The following RAB14 variants were observed in gnomAD, a reference collection of about 807,000 sequenced individuals.
The protein encoded by RAB14 is ras-related protein Rab-14.
Under a neutral mutation model 31.1 loss-of-function variants are expected in RAB14, and 3 were observed. The ratio of observed to expected loss-of-function variants is 0.10; its 90% CI spans 0.04 to 0.25. The LOEUF is 0.25. Ranked by LOEUF, RAB14 falls within the 10% of genes least tolerant of loss-of-function variation. RAB14 has a pLI of 1.00. For missense variants in RAB14, 111 were observed against 260.1 expected (o/e 0.43, Z 3.94); for synonymous variants, 85 against 84.9 (o/e 1.00, Z 0.00).
chr9:121,187,052 C>A, intron 4 of RAB14, 33 bp from the exon 5 acceptor site: 1 of 1,308,436 alleles, frequency 7.6e-7, no homozygotes, highest in South Asian at 1.5e-5. Flanking sequence ...TTGTGACTGC[C>A]ATATAATTAT....
chr9:121,198,296 C>T (rs575784676), intron 1 of RAB14, among the ~76,000 whole-genome samples: 6 of 152,160 alleles, frequency 3.9e-5, no homozygotes, highest in Non-Finnish European at 8.8e-5. Flanking sequence ...ACATTATTTC[C>T]GCATTTACTG....
chr9:121,198,020 AAC>A (rs58467154), intron 1 of RAB14, among the ~76,000 whole-genome samples: 210 of 149,868 alleles, frequency 1.4e-3, no homozygotes, highest in Middle Eastern at 0.01. Context: ...CCCACTTTCA[AAC>A]ACACACACAC....
chr9:121,182,006 A>G (rs2053636268), intron 7 of RAB14, among the ~76,000 whole-genome samples: 1 of 152,120 alleles, frequency 6.6e-6, no homozygotes, highest in Non-Finnish European at 1.5e-5. Context: ...TTGGCTTCCC[A>G]AAGTGCTGGG....
intron 5 of RAB14, among the ~76,000 whole-genome samples, chr9:121,183,876 G>A (rs1456786718): frequency 6.6e-6 from 1 of 152,152 alleles, no homozygotes; most frequent in Non-Finnish European, 1.5e-5. Context: ...CAAGCTCCAG[G>A]GGATCTGTAA....
chr9:121,186,365 C>G (rs564762265), intron 5 of RAB14, among the ~76,000 whole-genome samples: 10 of 152,276 alleles, frequency 6.6e-5, no homozygotes, highest in Middle Eastern at 3.4e-3. Flanking sequence ...AGACTATAAG[C>G]TCTTTGGGAC....
In RAB14 at chr9:121,197,653, A is replaced by G. The variant is rs137978699; in HGVS notation, c.-8+3986T>C. On this transcript the variant is annotated intron_variant, in intron 1 of 7. Transcript: ENST00000373840. ...TTGAAACATGTAGGTACAGATGTGA[A>G]GGTATACACTTTCATACATACTGCT... Among the ~76,000 whole-genome samples the G allele has an allele frequency of 1.8e-4, 28 of 152,348 alleles. No homozygotes were observed. The East Asian group carries it at 5.4e-3, about 29-fold the overall frequency.
chr9:121,197,557 T>C (rs926967599), intron 1 of RAB14, among the ~76,000 whole-genome samples: 7 of 152,188 alleles, frequency 4.6e-5, no homozygotes, highest in South Asian at 2.1e-4. Flanking sequence ...GTGACAAAAA[T>C]AGAATGCATG....
At chr9:121,193,841 A>T (rs2053699485) in intron 1 of RAB14, among the ~76,000 whole-genome samples, 1 of 152,144 alleles carries the variant, frequency 6.6e-6, no homozygotes, top group Non-Finnish European at 1.5e-5. Flanking sequence ...GTTACTAATG[A>T]TCTACTTGTT....
chr9:121,193,322 C>G (rs772475648), intron 2 of RAB14, 39 bp downstream of exon 2: 4 of 1,385,158 alleles, frequency 2.9e-6, no homozygotes, highest in Non-Finnish European at 4.1e-6. Flanking sequence ...GTATGTTAAC[C>G]TTCTTTTGGG....
rs1178042983 is a variant in RAB14, at chr9:121,181,204, T to C, written c.*192A>G. On this transcript the variant is annotated 3_prime_UTR_variant, in exon 8 of 8. Coordinates refer to ENST00000373840, the MANE Select transcript of RAB14 (RefSeq NM_016322.4). ...TGCAGGAGAGATTTATTACTCTACT[T>C]GCCTTTGATAACCTGATTACATCTA... 8.1e-6 allele frequency: 4 copies of C among 490,802 alleles called. No individual in the cohort carries two copies. The highest frequency in any genetic ancestry group is 7.9e-5 in the African/African-American group (4 of 50,778). 30.4% of individuals were successfully genotyped at this position (490,802 alleles called of 1,614,324 possible). A position where few individuals can be genotyped will look rare whatever the true frequency, so the allele number is the denominator to read the frequency against.
chr9:121,196,719 T>C (rs989527861), intron 1 of RAB14, among the ~76,000 whole-genome samples: 8 of 152,290 alleles, frequency 5.3e-5, no homozygotes, highest in Middle Eastern at 3.4e-3. Context: ...TAATTTAATA[T>C]TCTGAATAAG....
At chr9:121,181,887 ACAGG>A (rs1033153785) in intron 7 of RAB14, among the ~76,000 whole-genome samples, 16 of 151,398 alleles carry the variant, frequency 1.1e-4, no homozygotes, top group African/African-American at 3.9e-4. Flanking sequence ...AGCTGGGACT[ACAGG>A]AGCACACCAC....
intron 1 of RAB14, among the ~76,000 whole-genome samples, chr9:121,198,375 T>G (rs1438258830): frequency 6.6e-6 from 1 of 152,158 alleles, no homozygotes; most frequent in Non-Finnish European, 1.5e-5. Flanking sequence ...CAACACTCAA[T>G]AGTAGAGGGC....
chr9:121,186,718 A>G (rs2053661516), intron 5 of RAB14, among the ~76,000 whole-genome samples: 1 of 152,222 alleles, frequency 6.6e-6, no homozygotes, highest in African/African-American at 2.4e-5. Flanking sequence ...TCACCACTAC[A>G]TTCATAATAG....
In RAB14 at chr9:121,192,294, C is replaced by G. The variant is rs2053691314; in HGVS notation, c.53-70G>C. 1.0e-5 allele frequency: 12 copies of G among 1,184,624 alleles called. No homozygotes were observed. The Admixed American group carries it at 1.0e-4, about 10-fold the overall frequency. 73.4% of individuals were successfully genotyped at this position (1,184,624 alleles called of 1,614,324 possible). ...ATTTTATGCAATGATCGCTATATTC[C>G]TTACCATATAACATATCACAAGTTT... On this transcript the variant is annotated intron_variant, in intron 2 of 7. Coordinates refer to ENST00000373840, the MANE Select transcript of RAB14 (RefSeq NM_016322.4).
chr9:121,198,614 C>G (rs961393065), intron 1 of RAB14, among the ~76,000 whole-genome samples: 2 of 152,082 alleles, frequency 1.3e-5, no homozygotes, highest in African/African-American at 4.8e-5. Flanking sequence ...TTAACATGCA[C>G]GACGTTTTGT....
intron 1 of RAB14, among the ~76,000 whole-genome samples, chr9:121,201,065 C>CCCCGG (rs1202333084): frequency 2.6e-5 from 4 of 152,106 alleles, no homozygotes; most frequent in East Asian, 1.9e-4. Context: ...CAGACCCCGG[C>CCCCGG]CCCGGCCCGG....
intron 4 of RAB14, among the ~76,000 whole-genome samples, chr9:121,190,208 AG>A: frequency 6.6e-6 from 1 of 152,110 alleles, no homozygotes; most frequent in East Asian, 1.9e-4. Context: ...GACTAAATAG[AG>A]TAAGTCCCAA....
intron 4 of RAB14, among the ~76,000 whole-genome samples, chr9:121,189,374 G>A (rs1160457406): frequency 6.6e-6 from 1 of 152,108 alleles, no homozygotes. Context: ...GAAGTCTTCA[G>A]AAATGCATTC....
Sources: allele counts gnomAD v4.1 joint callset (sites outside exome capture counted in the v4.1 genomes callset), GRCh38; gene constraint gnomAD v4.1.1; transcripts MANE v1.5; gene names NCBI Gene and HGNC (gene_info 2026-07-23, HGNC 2026-07-21).